DNAJC3: variants seen among roughly 807,000 people sequenced by gnomAD.
DNAJC3 encodes the protein DnaJ heat shock protein family (Hsp40) member C3.
Under a neutral mutation model 68.6 loss-of-function variants are expected in DNAJC3, and 38 were observed. That is an observed-to-expected ratio of 0.55 (90% confidence interval 0.43 to 0.73). The LOEUF (loss-of-function observed/expected upper bound fraction) is 0.73. Ranked by LOEUF, DNAJC3 falls within the 30% of genes least tolerant of loss-of-function variation. The pLI, the probability that DNAJC3 is intolerant of heterozygous loss-of-function variation, is 0.00. For missense variants in DNAJC3, 526 were observed against 591.9 expected (o/e 0.89, Z 1.16); for synonymous variants, 203 against 204.0 (o/e 1.00, Z 0.04).
At chr13:95,763,283 T>C (rs560564904) in intron 7 of DNAJC3, among the ~76,000 whole-genome samples, 13 of 152,354 alleles carry the variant, frequency 8.5e-5, no homozygotes, top group African/African-American at 2.9e-4. Context: ...ACTTGATCTC[T>C]GTATTGTTCA....
chr13:95,723,267 T>A lies in DNAJC3; in HGVS notation c.219T>A (p.Ala73=). Residue 73 remains alanine (A), a synonymous_variant, in exon 3 of 12, where the codon GCT becomes GCA. Coordinates refer to ENST00000602402, the MANE Select transcript of DNAJC3 (RefSeq NM_006260.5). The part of the protein sequence containing the change: ...AVDGDPDNYI[A]YYRRATVFLA... The stretch of plus-strand genomic sequence containing the variant: ...ATGGTGACCCTGATAACTATATTGC[T>A]TATTATCGGAGGGCTACTGTCTTTT... 6.2e-7 allele frequency: 1 copy of A among 1,611,464 alleles called. No homozygotes were observed. The highest frequency in any genetic ancestry group is 8.5e-7 in the Non-Finnish European group (1 of 1,178,012).
chr13:95,690,781 G>A (rs1293037048), intron 1 of DNAJC3, among the ~76,000 whole-genome samples: 3 of 143,214 alleles, frequency 2.1e-5, no homozygotes, highest in South Asian at 2.2e-4. Flanking sequence ...GTGGCTGGCC[G>A]GGCGGGGGGC....
chr13:95,704,775 G>A (rs945105564), intron 1 of DNAJC3, among the ~76,000 whole-genome samples: 3 of 151,792 alleles, frequency 2.0e-5, no homozygotes, highest in Non-Finnish European at 4.4e-5. Context: ...TCCAGCATTG[G>A]CAGATCAGAT....
Position 95,790,818 on chromosome 13 carries a change from C to T in DNAJC3, c.1358-55C>T, listed in dbSNP as rs528083136. On this transcript the variant is annotated intron_variant, in intron 11 of 11. Transcript: ENST00000602402. ...TCCTCTGCCCAAAGAAAACATTCCC[C>T]CTGCCCCTATACCTTAGATATTATC... The T allele has an allele frequency of 2.6e-5, 41 of 1,573,758 alleles. No homozygotes were observed. In the East Asian group the frequency reaches 8.9e-4, roughly 34 times the overall value.
At chr13:95,678,280 AATTAAACCTTTGAGTATTCC>A (rs1472910631) in intron 1 of DNAJC3, among the ~76,000 whole-genome samples, 1 of 152,154 alleles carries the variant, frequency 6.6e-6, no homozygotes, top group Non-Finnish European at 1.5e-5. Flanking sequence ...AAGGAGGTCA[AATTAAACCTTTGAGTATTCC>A]ATTCAAAGGG....
intron 4 of DNAJC3, among the ~76,000 whole-genome samples, chr13:95,741,587 G>C (rs1241691335): frequency 2.0e-5 from 3 of 152,170 alleles, no homozygotes; most frequent in African/African-American, 4.8e-5. Context: ...GCAGTGGATT[G>C]GACAGGTGGG....
At chr13:95,780,635 C>G (rs1404075280) in intron 9 of DNAJC3, among the ~76,000 whole-genome samples, 1 of 152,008 alleles carries the variant, frequency 6.6e-6, no homozygotes, top group Non-Finnish European at 1.5e-5. Context: ...GTCTGTTTAC[C>G]TTGTTTCTTT....
At chr13:95,739,929 C>T (rs1170044036) in intron 4 of DNAJC3, among the ~76,000 whole-genome samples, 1 of 152,112 alleles carries the variant, frequency 6.6e-6, no homozygotes, top group Non-Finnish European at 1.5e-5. Context: ...TGTTTTTTCC[C>T]CATCTTTGTG....
At chr13:95,720,496 G>GT (rs1345561987) in intron 2 of DNAJC3, among the ~76,000 whole-genome samples, 1 of 152,108 alleles carries the variant, frequency 6.6e-6, no homozygotes, top group African/African-American at 2.4e-5. Context: ...TCACTTAAAT[G>GT]TTAGTAATTC....
intron 9 of DNAJC3, among the ~76,000 whole-genome samples, chr13:95,782,656 C>G (rs1386236603): frequency 6.6e-6 from 1 of 151,992 alleles, no homozygotes; most frequent in Non-Finnish European, 1.5e-5. Context: ...GGGTTGTTTT[C>G]TTGTAAATTT....
intron 4 of DNAJC3, among the ~76,000 whole-genome samples, chr13:95,756,259 C>T (rs1882659274): frequency 6.6e-6 from 1 of 152,152 alleles, no homozygotes; most frequent in South Asian, 2.1e-4. Flanking sequence ...CCGAAGTATT[C>T]AAGACCACCC....
Position 95,792,813 on chromosome 13 carries a change from AAT to A in DNAJC3, c.*1786_*1787del, listed in dbSNP as rs1215015263. The A allele has an allele frequency of 1.3e-5, 2 of 152,208 alleles. No homozygotes were observed. Among genetic ancestry groups the A allele is most frequent in the East Asian group, 3.8e-4 (2 of 5,198 alleles). 9.4% of individuals were successfully genotyped at this position (152,208 alleles called of 1,614,324 possible). ...TAATCTCACTACTGGCTATGTCAGC[AAT>A]ATCTTTTTCAATCTGGTTCCTTTTG... On this transcript the variant is annotated 3_prime_UTR_variant, in exon 12 of 12. Coordinates refer to ENST00000602402, the MANE Select transcript of DNAJC3 (RefSeq NM_006260.5).
Position 95,763,657 on chromosome 13 carries a change from C to T in DNAJC3, c.863C>T (p.Thr288Ile), listed in dbSNP as rs754577630. 1.2e-6 allele frequency: 2 copies of T among 1,613,556 alleles called. No homozygotes were observed. Among genetic ancestry groups the T allele is most frequent in the Non-Finnish European group, 1.7e-6 (2 of 1,179,668 alleles). Reference sequence around the variant, plus strand: ...TCATTTCTTAGATACACAGATGCTACCAGCAAATATGAATCTGTCATGAAA... The same window carrying T: ...TCATTTCTTAGATACACAGATGCTATCAGCAAATATGAATCTGTCATGAAA... ...LIRDGRYTDATSKYESVMKTE... is the reference protein window; with the variant it reads ...LIRDGRYTDAISKYESVMKTE... The change falls in exon 8 of 12, where the codon ACC becomes ATC. Residue 288 changes from threonine (T) to isoleucine (I), a missense_variant. By Grantham distance (89) the Thr-to-Ile change is moderately conservative. Coordinates refer to ENST00000602402, the MANE Select transcript of DNAJC3 (RefSeq NM_006260.5).
At chr13:95,702,516 A>G (rs1006855707) in intron 1 of DNAJC3, among the ~76,000 whole-genome samples, 1 of 152,230 alleles carries the variant, frequency 6.6e-6, no homozygotes, top group Non-Finnish European at 1.5e-5. Context: ...ATTAAGAGGC[A>G]GGGCCTTAAG....
chr13:95,764,250 A>G (rs946934596), intron 9 of DNAJC3, among the ~76,000 whole-genome samples: 1 of 151,896 alleles, frequency 6.6e-6, no homozygotes, highest in Non-Finnish European at 1.5e-5. Context: ...TGTAGCTCTC[A>G]TGTTATCCGG....
At chr13:95,690,644 G>C (rs1880209342) in intron 1 of DNAJC3, among the ~76,000 whole-genome samples, 1 of 145,582 alleles carries the variant, frequency 6.9e-6, no homozygotes, top group Non-Finnish European at 1.5e-5. Context: ...CCCGGACGGG[G>C]CGGCTGGCCG....
chr13:95,677,365 A>G (rs1192499194), intron 1 of DNAJC3, 28 bp downstream of exon 1: 1 of 1,561,838 alleles, frequency 6.4e-7, no homozygotes, highest in South Asian at 1.2e-5. Context: ...CCGGCCAGGA[A>G]GTGGGCTCCC....
chr13:95,767,630 A>G (rs1162168705), intron 9 of DNAJC3, among the ~76,000 whole-genome samples: 2 of 150,782 alleles, frequency 1.3e-5, no homozygotes, highest in South Asian at 2.1e-4. Context: ...CCATTTTACA[A>G]TTTTACCAGC....
At chr13:95,736,981 T>G (rs1881946284) in intron 4 of DNAJC3, among the ~76,000 whole-genome samples, 1 of 151,834 alleles carries the variant, frequency 6.6e-6, no homozygotes, top group Non-Finnish European at 1.5e-5. Flanking sequence ...TCTTATTATT[T>G]TGAAATAGGT....
Sources: gnomAD v4.1 joint callset for allele counts (sites outside exome capture counted in the v4.1 genomes callset) on GRCh38, gnomAD v4.1.1 for gene constraint, MANE v1.5 for transcripts, NCBI Gene and HGNC (gene_info 2026-07-23, HGNC 2026-07-21) for gene names.